Variants in INSR observed in about 807,000 individuals in gnomAD.
The protein encoded by INSR is IR.
In INSR, 67 loss-of-function variants were observed where a neutral mutation model predicts 142.6. That is an observed-to-expected ratio of 0.47 (90% CI 0.39 to 0.58). The LOEUF is 0.58. INSR is among the 20% of genes least tolerant of loss of function. The pLI is 0.00. For synonymous variants in INSR, 756 were observed against 743.1 expected (o/e 1.02, Z -0.28); for missense variants, 1,248 against 1,833.2 (o/e 0.68, Z 5.83).
At chr19:7,269,595 C>T (rs548797247) in intron 1 of INSR, among the ~76,000 whole-genome samples, 4 of 151,760 alleles carry the variant, frequency 2.6e-5, no homozygotes, top group African/African-American at 9.7e-5. Context: ...CCCAGCCCCC[C>T]CACCCCTCCT....
chr19:7,226,962 T>C (rs889357277), intron 2 of INSR, among the ~76,000 whole-genome samples: 2 of 152,184 alleles, frequency 1.3e-5, no homozygotes, highest in Admixed American at 1.3e-4. Context: ...AGGAGACTTA[T>C]GATGCTAATT....
In INSR at chr19:7,178,251, G is replaced by A. The variant is rs1249254260; in HGVS notation, c.975-3520C>T. 5.3e-5 allele frequency among the ~76,000 whole-genome samples: 7 copies of A among 131,874 alleles called. No homozygotes were observed. The East Asian group carries it at 1.6e-3, about 30-fold the overall frequency. The allele number at this position is 131,874 out of a possible 152,430, so 86.5% of individuals were successfully genotyped here. A position where few individuals can be genotyped will look rare whatever the true frequency, so the allele number is the denominator to read the frequency against. ...AATGTCGGGGTGACTTGTGGGGGGG[G>A]GGGTGCCTAGATAACATGAGGGTGG... On this transcript the variant is annotated intron_variant, in intron 3 of 21. Coordinates refer to ENST00000302850, the MANE Select transcript of INSR (RefSeq NM_000208.4).
intron 2 of INSR, among the ~76,000 whole-genome samples, chr19:7,235,971 C>CTTTTTT (rs34478636): frequency 7.7e-6 from 1 of 129,878 alleles, no homozygotes; most frequent in African/African-American, 3.0e-5. Context: ...CTGGCCTTTC[C>CTTTTTT]TTTTTTTTTT....
At chr19:7,193,214 G>T (rs1974648237) in intron 2 of INSR, among the ~76,000 whole-genome samples, 1 of 151,384 alleles carries the variant, frequency 6.6e-6, no homozygotes, top group African/African-American at 2.4e-5. Context: ...CGCCTCCCGG[G>T]TTCAAGAGAT....
At chr19:7,289,963 A>AC (rs1968448092) in intron 1 of INSR, among the ~76,000 whole-genome samples, 1 of 152,264 alleles carries the variant, frequency 6.6e-6, no homozygotes, top group Non-Finnish European at 1.5e-5. Context: ...CAAGATTGAG[A>AC]GTTCTGCTTA....
In INSR at chr19:7,142,895, C is replaced by T. The variant is rs1187038112; in HGVS notation, c.2463G>A (p.Glu821=). 5.0e-6 allele frequency: 8 copies of T among 1,614,020 alleles called. No individual in the cohort carries two copies. The highest frequency in any genetic ancestry group is 6.8e-6 in the Non-Finnish European group (8 of 1,180,044). Residue 821 remains glutamate (E), a synonymous_variant, in exon 12 of 22, where the codon GAG becomes GAA. Transcript: ENST00000302850. ...GGGTGTCCTGGTTGCAAGCCTGCAG[C>T]TCGATGCGATAGCCCGTGAAGTGTC... The part of the protein sequence containing the change: ...GLRHFTGYRI[E]LQACNQDTPE...
At chr19:7,278,734 C>T (rs535296485) in intron 1 of INSR, among the ~76,000 whole-genome samples, 20 of 152,262 alleles carry the variant, frequency 1.3e-4, no homozygotes, top group African/African-American at 4.8e-4. Flanking sequence ...TGGCGTGTGC[C>T]TGTAATCCCA....
chr19:7,192,168 AAGACAG>A lies in INSR; in HGVS notation c.653-7537_653-7532del, dbSNP rs898148143. Among the ~76,000 whole-genome samples the A allele has an allele frequency of 1.8e-4, 23 of 127,522 alleles. No homozygotes were observed. The highest frequency in any genetic ancestry group is 3.7e-3 in the Middle Eastern group (1 of 270). 83.7% of individuals were successfully genotyped at this position (127,522 alleles called of 152,430 possible). ...AGAGAGAGAAAGAGAAAGAAAAAGA[AAGACAG>A]AGAAAGAAAAGAAAAAAGAAAGAAA... On this transcript the variant is annotated intron_variant, in intron 2 of 21. Coordinates refer to ENST00000302850, the MANE Select transcript of INSR (RefSeq NM_000208.4). This position sits in a 1 kb window ranked among gnomAD's most constrained non-coding sequence, Gnocchi z 4.2.
At position 7,143,030 on chromosome 19, in the gene INSR, C is replaced by T. The variant is rs758029294; in HGVS notation, c.2328G>A (p.Thr776=). 24 of 1,614,206 alleles carry T rather than the reference C, an allele frequency of 1.5e-5. No individual in the cohort carries two copies. The highest frequency in any genetic ancestry group is 1.1e-4 in the East Asian group (5 of 44,884). ...AGGAAGTGTTGGGGAAAGCTGCCACCGTGGGCACGGCCACCGTCACATTCC... is the reference window on the plus strand; with the variant it reads ...AGGAAGTGTTGGGGAAAGCTGCCACTGTGGGCACGGCCACCGTCACATTCC... ...DVGNVTVAVP[T]VAAFPNTSST... The change falls in exon 12 of 22, where the codon ACG becomes ACA. Residue 776 remains threonine (T), a synonymous_variant. Transcript: ENST00000302850.
At chr19:7,213,626 A>C (rs1158825339) in intron 2 of INSR, among the ~76,000 whole-genome samples, 1 of 152,204 alleles carries the variant, frequency 6.6e-6, no homozygotes, top group East Asian at 1.9e-4. Context: ...TACAAAGAAA[A>C]GCAACACCTT....
At chr19:7,190,990 T>C (rs1405572350) in intron 2 of INSR, among the ~76,000 whole-genome samples, 1 of 152,158 alleles carries the variant, frequency 6.6e-6, no homozygotes, top group Non-Finnish European at 1.5e-5. Context: ...ATACAATTAT[T>C]ATTTGTCAAT....
chr19:7,184,661 G>GAGAGAGAGAGAGAGAGAGAGA lies in INSR; in HGVS notation c.653-25_653-24insTCTCTCTCTCTCTCTCTCTCT, dbSNP rs199750451. 4.6e-6 allele frequency: 6 copies of GAGAGAGAGAGAGAGAGAGAGA among 1,294,296 alleles called. No individual in the cohort carries two copies. In the African/African-American group the frequency reaches 8.1e-5, roughly 18 times the overall value. The allele number at this position is 1,294,296 out of a possible 1,614,324, so 80.2% of individuals were successfully genotyped here. On this transcript the variant is annotated intron_variant, in intron 2 of 21. Coordinates refer to ENST00000302850, the MANE Select transcript of INSR (RefSeq NM_000208.4). Reference sequence around the variant, plus strand: ...AACTGGAGAGAGAGAGAGAGAGAGAGGGAAATAAATAAATAAATAAATAAA... The same window carrying GAGAGAGAGAGAGAGAGAGAGA: ...AACTGGAGAGAGAGAGAGAGAGAGAGAGAGAGAGAGAGAGAGAGAGAGGAAATAAATAAATAAATAAATAAA...
At chr19:7,248,156 TA>T (rs1477364956) in intron 2 of INSR, among the ~76,000 whole-genome samples, 2 of 150,996 alleles carry the variant, frequency 1.3e-5, no homozygotes, top group East Asian at 2.0e-4. Flanking sequence ...TTTATTTTTT[TA>T]TTTTTGGAGA....
At chr19:7,244,828 GT>G (rs1213332737) in intron 2 of INSR, among the ~76,000 whole-genome samples, 1 of 151,934 alleles carries the variant, frequency 6.6e-6, no homozygotes, top group East Asian at 1.9e-4. Flanking sequence ...AATTAAAGGA[GT>G]GCTGGCAGCG....
chr19:7,267,628 G>A lies in INSR; in HGVS notation c.369C>T (p.Phe123=), dbSNP rs1278142852. ...RLFFNYALVI[F]EMVHLKELGL... ...CGAGTTCCTTGAGGTGAACCATCTC[G>A]AAGATGACCAGCGCGTAGTTAAAGA... The change falls in exon 2 of 22, where the codon TTC becomes TTT. Residue 123 remains phenylalanine (F), a synonymous_variant. Transcript: ENST00000302850. The surrounding 1 kb of genome is among the most constrained non-coding windows in gnomAD (Gnocchi z 6.3). 6.2e-7 allele frequency: 1 copy of A among 1,613,922 alleles called. No individual in the cohort carries two copies. Among genetic ancestry groups the A allele is most frequent in the Non-Finnish European group, 8.5e-7 (1 of 1,179,896 alleles).
Position 7,229,332 on chromosome 19 carries a change from A to ATGGATGGATAGATGGATG in INSR, c.652+38012_652+38013insCATCCATCTATCCATCCA, listed in dbSNP as rs1568204425. 5.8e-3 allele frequency among the ~76,000 whole-genome samples: 474 copies of ATGGATGGATAGATGGATG among 81,858 alleles called. 1 individual carries two copies. The highest frequency in any genetic ancestry group is 8.2e-3 in the East Asian group (14 of 1,698). 53.7% of individuals were successfully genotyped at this position (81,858 alleles called of 152,430 possible). The stretch of plus-strand genomic sequence containing the variant: ...TGGATGGATGGATGGATGGATGGAT[A>ATGGATGGATAGATGGATG]GATGGATGGATGGATGGATGGATGG... On this transcript the variant is annotated intron_variant, in intron 2 of 21. Coordinates refer to ENST00000302850, the MANE Select transcript of INSR (RefSeq NM_000208.4).
chr19:7,189,811 C>CCGTCAT, intron 2 of INSR, among the ~76,000 whole-genome samples: 1 of 151,872 alleles, frequency 6.6e-6, no homozygotes, highest in Non-Finnish European at 1.5e-5. Context: ...TTACAGGCAC[C>CCGTCAT]CACAACCATG....
Position 7,117,160 on chromosome 19 carries a change from G to C in INSR, c.4045C>G (p.Leu1349Val). ...TCCTCGTAGCTCCGCTTGAAACCCA[G>C]CGAGGACCCTCCATCCCGGCCCCCC... ...EAGGRDGGSS[L>V]GFKRSYEEHI... The change falls in exon 22 of 22, where the codon CTG becomes GTG. Residue 1349 changes from leucine to valine, a missense_variant. This residue lies in a region of INSR where 122 missense variants were observed against 129.8 expected (regional missense o/e 0.94). Transcript: ENST00000302850. The C allele has an allele frequency of 6.2e-7, 1 of 1,614,088 alleles. No individual in the cohort carries two copies. Among genetic ancestry groups the C allele is most frequent in the Non-Finnish European group, 8.5e-7 (1 of 1,180,006 alleles).
At chr19:7,129,417 C>T (rs763901536) in intron 14 of INSR, among the ~76,000 whole-genome samples, 5 of 152,074 alleles carry the variant, frequency 3.3e-5, no homozygotes, top group South Asian at 2.1e-4. Context: ...CTCCTCCTTT[C>T]GGGTTCAAGT....
Sources: gnomAD v4.1 joint callset for allele counts (sites outside exome capture counted in the v4.1 genomes callset) on GRCh38, gnomAD v4.1.1 for gene constraint, gnomAD v4.1.1 regional missense constraint, Gnocchi (gnomAD v3.1) non-coding constraint, MANE v1.5 for transcripts, NCBI Gene and HGNC (gene_info 2026-07-23, HGNC 2026-07-21) for gene names.